The following KRT12 variants were observed in gnomAD, a reference collection of about 807,000 sequenced individuals.
The protein encoded by KRT12 is keratin, type I cytoskeletal 12.
Under a neutral mutation model 50.2 loss-of-function variants are expected in KRT12, and 43 were observed. That is an observed-to-expected ratio of 0.86 (90% confidence interval 0.67 to 1.11). The LOEUF (loss-of-function observed/expected upper bound fraction) is 1.11, where lower values mean the gene tolerates loss of function less well. KRT12 is among the 50% of genes least tolerant of loss of function. The pLI, the probability that KRT12 is intolerant of heterozygous loss-of-function variation, is 0.00. For synonymous variants in KRT12, 257 were observed against 253.6 expected (o/e 1.01, Z -0.13); for missense variants, 588 against 625.6 (o/e 0.94, Z 0.64).
rs180699112 is a variant in KRT12 at position 40,861,419 on chromosome 17, G to A, written c.*242C>T. ...GAAAGTTCGTTAAAAGACTACTCCA[G>A]GTCCAGAAGGATATAAGGTAATTTT... On this transcript the variant is annotated 3_prime_UTR_variant, in exon 8 of 8. Transcript: ENST00000251643. 1.0e-4 allele frequency: 55 copies of A among 540,446 alleles called. No individual in the cohort carries two copies. Among genetic ancestry groups the A allele is most frequent in the African/African-American group, 9.6e-4 (51 of 52,998 alleles). The allele number at this position is 540,446 out of a possible 1,614,324, so 33.5% of individuals were successfully genotyped here.
Position 40,866,970 on chromosome 17 carries a change from A to C in KRT12, c.217T>G (p.Ser73Ala). 1 of 1,598,692 alleles carries C rather than the reference A, an allele frequency of 6.3e-7. No homozygotes were observed. Among genetic ancestry groups the C allele is most frequent in the Non-Finnish European group, 8.5e-7 (1 of 1,173,116 alleles). The change falls in exon 1 of 8, where the codon TCC (serine) becomes GCC (alanine). Residue 73 changes from serine to alanine, a missense_variant. Physicochemically the swap from Ser to Ala is moderately conservative, Grantham distance 99 (BLOSUM62 1). Transcript: ENST00000251643. ...FGSSSGFGGG[S>A]GSSMAGGLGA... ...AGTCCTCCTGCCATGGAACTTCCGG[A>C]GCCACCCCCAAAGCCGGAACTAGAA... is the stretch of plus-strand genomic sequence containing the variant.
intron 7 of KRT12, 38 bp from the exon 8 acceptor site, chr17:40,861,796 G>A (rs374889925): frequency 6.9e-6 from 9 of 1,307,726 alleles, no homozygotes; most frequent in African/African-American, 1.4e-5. Context: ...AAGAGTTAGT[G>A]TTTCAAATAT....
Position 40,861,486 on chromosome 17 carries a change from T to C in KRT12, c.*175A>G. ...CAACATGACCAAAATGACTTGTGAC[T>C]GAATATTGTTTCAGAAGGGCAAAAA... On this transcript the variant is annotated 3_prime_UTR_variant, in exon 8 of 8. Transcript: ENST00000251643. 9.6e-6 allele frequency: 6 copies of C among 623,594 alleles called. No individual in the cohort carries two copies. The South Asian group carries it at 1.2e-4, about 12-fold the overall frequency. 38.6% of individuals were successfully genotyped at this position (623,594 alleles called of 1,614,324 possible).
chr17:40,862,608 C>T lies in KRT12; in HGVS notation c.1344G>A (p.Val448=), dbSNP rs1443444396. Residue 448 remains valine (V), a synonymous_variant, in exon 7 of 8, where the codon GTG becomes GTA. Coordinates refer to ENST00000251643, the MANE Select transcript of KRT12 (RefSeq NM_000223.4). ...ACTGTGCTTGTGATTTGGAGTCTGTCACAAATAAACTTTCCTCCAAACCAT... is the reference window on the plus strand; with the variant it reads ...ACTGTGCTTGTGATTTGGAGTCTGTTACAAATAAACTTTCCTCCAAACCAT... ...QGDGLEESLF[V]TDSKSQAQST... is the part of the protein sequence containing the mutation. 2.5e-6 allele frequency: 4 copies of T among 1,613,402 alleles called. No individual in the cohort carries two copies. The highest frequency in any genetic ancestry group is 3.4e-6 in the Non-Finnish European group (4 of 1,179,452).
chr17:40,863,750 T>C lies in KRT12; in HGVS notation c.922A>G (p.Ile308Val). 1.2e-6 allele frequency: 2 copies of C among 1,613,498 alleles called. No individual in the cohort carries two copies. The highest frequency in any genetic ancestry group is 2.2e-5 in the East Asian group (1 of 44,878). ...LNDMRAQYET[I>V]AEQNRKDAEA... ...GCGTCCTTCCGATTCTGCTCAGCGA[T>C]GGTTTCATACTGCGCCCGCATATCA... is the stretch of plus-strand genomic sequence containing the variant. Residue 308 changes from isoleucine to valine, a missense_variant, in exon 4 of 8, where the codon ATC becomes GTC. By Grantham distance (29) the Ile-to-Val change is conservative. Transcript: ENST00000251643. This position sits in a 1 kb window ranked among gnomAD's most constrained non-coding sequence, Gnocchi z 4.2.
chr17:40,863,491 G>A lies in KRT12; in HGVS notation c.1089C>T (p.Leu363=). 1 of 1,614,262 alleles carries A rather than the reference G, an allele frequency of 6.2e-7. No individual in the cohort carries two copies. Among genetic ancestry groups the A allele is most frequent in the South Asian group, 1.1e-5 (1 of 91,080 alleles). ...TGTTTGCGCACGAGCCTACCATGGC[G>A]AGCTGGGACTGTAGCTCGATCTCCA... is the stretch of plus-strand genomic sequence containing the variant. ...QNLEIELQSQ[L]AMKKSLEDSL... The change falls in exon 5 of 8, where the codon CTC becomes CTT. Residue 363 remains leucine, a synonymous_variant. Transcript: ENST00000251643. The surrounding 1 kb of genome is among the most constrained non-coding windows in gnomAD (Gnocchi z 4.2).
At position 40,867,026 on chromosome 17, in the gene KRT12, C is replaced by G. The variant is rs774610996; in HGVS notation, c.161G>C (p.Gly54Ala). 1 of 1,601,852 alleles carries G rather than the reference C, an allele frequency of 6.2e-7. No homozygotes were observed. The highest frequency in any genetic ancestry group is 8.5e-7 in the Non-Finnish European group (1 of 1,173,712). Reference protein sequence around the residue: ...GSAFGFGASCGGGFSAASMFG... With the variant: ...GSAFGFGASCAGGFSAASMFG... ...CATGGAAGCAGCAGAAAAGCCTCCCCCACAGCTGGCTCCAAAGCCAAAGGC... is the reference window on the plus strand; with the variant it reads ...CATGGAAGCAGCAGAAAAGCCTCCCGCACAGCTGGCTCCAAAGCCAAAGGC... The change falls in exon 1 of 8, where the codon GGG (glycine) becomes GCG (alanine). Residue 54 changes from glycine (G) to alanine (A), a missense_variant. Physicochemically the swap from Gly to Ala is moderately conservative, Grantham distance 60 (BLOSUM62 0). Coordinates refer to ENST00000251643, the MANE Select transcript of KRT12 (RefSeq NM_000223.4).
chr17:40,862,599 G>C lies in KRT12; in HGVS notation c.1353C>G (p.Ser451=). The part of the protein sequence containing the change: ...GLEESLFVTD[S]KSQAQSTDSS... ...AATCAGTTGACTGTGCTTGTGATTT[G>C]GAGTCTGTCACAAATAAACTTTCCT... The change falls in exon 7 of 8, where the codon TCC becomes TCG. Residue 451 remains serine (S), a synonymous_variant. Transcript: ENST00000251643. The C allele has an allele frequency of 6.2e-7, 1 of 1,613,506 alleles. No homozygotes were observed. Among genetic ancestry groups the C allele is most frequent in the Non-Finnish European group, 8.5e-7 (1 of 1,179,480 alleles).
At position 40,863,191 on chromosome 17, in the gene KRT12, C is replaced by G; in HGVS notation, c.1248G>C (p.Leu416=). 1 of 1,614,134 alleles carries G rather than the reference C, an allele frequency of 6.2e-7. No individual in the cohort carries two copies. The highest frequency in any genetic ancestry group is 8.5e-7 in the Non-Finnish European group (1 of 1,180,040). Residue 416 remains leucine (L), a synonymous_variant, in exon 6 of 8, where the codon CTG becomes CTC. Coordinates refer to ENST00000251643, the MANE Select transcript of KRT12 (RefSeq NM_000223.4). This position sits in a 1 kb window ranked among gnomAD's most constrained non-coding sequence, Gnocchi z 4.2. ...CCAGCTCCAGGCGGGCCTTGACATT[C>G]AGCAGCCGCTGGTGGTCCACGTTCT... The part of the protein sequence containing the change: ...ERQNVDHQRL[L]NVKARLELEI...
chr17:40,865,722 G>A (rs1189152974), intron 2 of KRT12, among the ~76,000 whole-genome samples: 1 of 152,100 alleles, frequency 6.6e-6, no homozygotes, highest in African/African-American at 2.4e-5. Flanking sequence ...CAGCTACTCG[G>A]GAGGCTGAGG....
At chr17:40,864,646 C>G (rs538278484) in intron 3 of KRT12, among the ~76,000 whole-genome samples, 160 bp downstream of exon 3, 1 of 152,232 alleles carries the variant, frequency 6.6e-6, no homozygotes, top group East Asian at 1.9e-4. Context: ...ACACATACCA[C>G]ACACATCACA....
chr17:40,864,716 C>T, intron 3 of KRT12, 90 bp downstream of exon 3: 1 of 1,357,410 alleles, frequency 7.4e-7, no homozygotes, highest in Non-Finnish European at 1.1e-6. Context: ...CATACTTGTC[C>T]TGACTCCAGA....
In KRT12 at chr17:40,866,224, C is replaced by T; in HGVS notation, c.581G>A (p.Ser194Asn). The change falls in exon 2 of 8, where the codon AGC (serine) becomes AAC (asparagine). Residue 194 changes from serine (S) to asparagine (N), a missense_variant. Ser to Asn is a conservative substitution (Grantham distance 46, BLOSUM62 1). Coordinates refer to ENST00000251643, the MANE Select transcript of KRT12 (RefSeq NM_000223.4). ...CAAGAGGAGCTGGGCATTTCCAATGCTGGCTGAAATGATCTGGCAAAAGAG... is the reference window on the plus strand; with the variant it reads ...CAAGAGGAGCTGGGCATTTCCAATGTTGGCTGAAATGATCTGGCAAAAGAG... Reference protein sequence around the residue: ...EDLRNKIISASIGNAQLLLQI... With the variant: ...EDLRNKIISANIGNAQLLLQI... 6.2e-7 allele frequency: 1 copy of T among 1,614,014 alleles called. No individual in the cohort carries two copies. Among genetic ancestry groups the T allele is most frequent in the Non-Finnish European group, 8.5e-7 (1 of 1,179,928 alleles).
rs575121017 is a variant in KRT12 at position 40,861,609 on chromosome 17, T to C, written c.*52A>G. 2 of 1,102,544 alleles carry C rather than the reference T, an allele frequency of 1.8e-6. No homozygotes were observed. The highest frequency in any genetic ancestry group is 2.3e-5 in the East Asian group (1 of 42,606). 68.3% of individuals were successfully genotyped at this position (1,102,544 alleles called of 1,614,324 possible). Reference sequence around the variant, plus strand: ...TACTCTGAAAGGAATAATTTCTACTTGTAAATTTCTTGTTCCTAAGGAACC... The same window carrying C: ...TACTCTGAAAGGAATAATTTCTACTCGTAAATTTCTTGTTCCTAAGGAACC... On this transcript the variant is annotated 3_prime_UTR_variant, in exon 8 of 8. Transcript: ENST00000251643.
Position 40,863,473 on chromosome 17 carries a change from G to T in KRT12, c.1095+12C>A. The T allele has an allele frequency of 6.2e-7, 1 of 1,614,206 alleles. No homozygotes were observed. Among genetic ancestry groups the T allele is most frequent in the Non-Finnish European group, 8.5e-7 (1 of 1,180,030 alleles). On this transcript the variant is annotated intron_variant, in intron 5 of 7. Coordinates refer to ENST00000251643, the MANE Select transcript of KRT12 (RefSeq NM_000223.4). The surrounding 1 kb of genome is among the most constrained non-coding windows in gnomAD (Gnocchi z 4.2). ...TCCAAAGGATGCTACGTCTGTTTGC[G>T]CACGAGCCTACCATGGCGAGCTGGG...
In KRT12 at chr17:40,863,853, G is replaced by A; in HGVS notation, c.819C>T (p.Ser273=). Residue 273 remains serine (S), a synonymous_variant, in exon 4 of 8, where the codon AGC becomes AGT. Transcript: ENST00000251643. This position sits in a 1 kb window ranked among gnomAD's most constrained non-coding sequence, Gnocchi z 4.2. ...CCTCGCCTGGGCCGCCCACCCGGAA[G>A]CTTTGGAGCTCCTGGGGACAGCATG... is the stretch of plus-strand genomic sequence containing the variant. ...MKKNHEDELQ[S]FRVGGPGEVS... The A allele has an allele frequency of 6.2e-7, 1 of 1,604,804 alleles. No individual in the cohort carries two copies. Among genetic ancestry groups the A allele is most frequent in the Non-Finnish European group, 8.5e-7 (1 of 1,176,638 alleles).
chr17:40,866,534 A>G, intron 1 of KRT12, 86 bp downstream of exon 1: 1 of 1,197,930 alleles, frequency 8.3e-7, no homozygotes, highest in East Asian at 2.3e-5. Flanking sequence ...GAAAATATCA[A>G]AGTTGTAGGT....
chr17:40,865,062 T>C, intron 2 of KRT12, 100 bp from the exon 3 acceptor site: 1 of 1,253,168 alleles, frequency 8.0e-7, no homozygotes, highest in Non-Finnish European at 1.2e-6. Context: ...GTGCACCTAC[T>C]TAATAATGGC....
chr17:40,864,689 G>T, intron 3 of KRT12, 117 bp downstream of exon 3: 1 of 1,050,140 alleles, frequency 9.5e-7, no homozygotes, highest in South Asian at 1.3e-5. Flanking sequence ...ATTTTAACAG[G>T]GAGACAATGT....
Sources: allele counts gnomAD v4.1 joint callset (sites outside exome capture counted in the v4.1 genomes callset), GRCh38; gene constraint gnomAD v4.1.1; non-coding constraint Gnocchi (gnomAD v3.1); transcripts MANE v1.5; gene names NCBI Gene and HGNC (gene_info 2026-07-23, HGNC 2026-07-21).